Variants in ABLIM2 observed in about 807,000 individuals in gnomAD.
The protein encoded by ABLIM2 is actin-binding LIM protein 2.
A neutral mutation model predicts 97.7 loss-of-function variants in ABLIM2; 53 were observed. That is an observed-to-expected ratio of 0.54 (90% CI 0.44 to 0.68). The LOEUF (loss-of-function observed/expected upper bound fraction) is 0.68, where lower values mean the gene tolerates loss of function less well. Among genes scored for constraint, ABLIM2 ranks in the 30% least tolerant of loss-of-function variants. ABLIM2 has a pLI of 0.00. For missense variants in ABLIM2, 835 were observed against 867.2 expected (o/e 0.96, Z 0.47); for synonymous variants, 361 against 345.8 (o/e 1.04, Z -0.49).
rs1187251861 is a variant in ABLIM2, at chr4:8,003,961, C to A, written c.1618+4098G>T. Among the ~76,000 whole-genome samples, 1 of 152,132 alleles carries A rather than the reference C, an allele frequency of 6.6e-6. No homozygotes were observed. Among genetic ancestry groups the A allele is most frequent in the Non-Finnish European group, 1.5e-5 (1 of 68,038 alleles). On this transcript the variant is annotated intron_variant, in intron 16 of 20. Transcript: ENST00000447017. This position sits in a 1 kb window ranked among gnomAD's most constrained non-coding sequence, Gnocchi z 4.2. The stretch of plus-strand genomic sequence containing the variant: ...TGCCCTGCCCGTCCCACCAGATATC[C>A]TCACGAGATTGACAGTAGCACGTCA...
intron 11 of ABLIM2, among the ~76,000 whole-genome samples, chr4:8,028,310 T>C (rs1398165723): frequency 6.6e-6 from 1 of 152,234 alleles, no homozygotes; most frequent in African/African-American, 2.4e-5. Flanking sequence ...GCTATGGGGA[T>C]TGAGCCAGCA....
At chr4:8,031,759 C>G (rs1416112578) in intron 10 of ABLIM2, among the ~76,000 whole-genome samples, 3 of 148,222 alleles carry the variant, frequency 2.0e-5, no homozygotes, top group African/African-American at 5.0e-5. Flanking sequence ...GAGTCTCGCT[C>G]TGTCACCCAG....
chr4:8,142,204 G>C (rs1007793156), intron 1 of ABLIM2, among the ~76,000 whole-genome samples: 1 of 152,166 alleles, frequency 6.6e-6, no homozygotes, highest in Admixed American at 6.5e-5. Context: ...CTCCACATCG[G>C]CTCGAGCCCC....
rs1465368976 is a variant in ABLIM2, at chr4:8,132,070, G to A, written c.11-25433C>T. 3.3e-5 allele frequency among the ~76,000 whole-genome samples: 5 copies of A among 151,002 alleles called. No homozygotes were observed. The highest frequency in any genetic ancestry group is 9.9e-5 in the African/African-American group (4 of 40,432). On this transcript the variant is annotated intron_variant, in intron 1 of 20. Transcript: ENST00000447017. The surrounding 1 kb of genome is among the most constrained non-coding windows in gnomAD (Gnocchi z 8.0). The stretch of plus-strand genomic sequence containing the variant: ...GCTGTGCCGGCCGAGCTCAGGCCTC[G>A]GGGTGCCTGGACATCCCTCCGTGGG...
At chr4:8,007,578 A>G in intron 16 of ABLIM2, 1 of 987,586 alleles carries the variant, frequency 1.0e-6, no homozygotes, top group Non-Finnish European at 1.2e-6. Context: ...CCCTAGGGTC[A>G]GGCAGACACC....
At chr4:8,107,816 G>C (rs927694732) in intron 1 of ABLIM2, among the ~76,000 whole-genome samples, 3 of 152,190 alleles carry the variant, frequency 2.0e-5, no homozygotes, top group Non-Finnish European at 4.4e-5. Context: ...TGATCGTCTA[G>C]CTGAGCCCAA....
rs185822910 is a variant in ABLIM2 at position 8,126,538 on chromosome 4, A to C, written c.11-19901T>G. On this transcript the variant is annotated intron_variant, in intron 1 of 20. Coordinates refer to ENST00000447017, the MANE Select transcript of ABLIM2 (RefSeq NM_001130083.2). The stretch of plus-strand genomic sequence containing the variant: ...TCACCCCACAGGCCGCCTGGTCAAC[A>C]CGCAGGATTGGAGCTATTGGAATTG... 9.7e-4 allele frequency among the ~76,000 whole-genome samples: 146 copies of C among 150,654 alleles called. 1 individual carries two copies. Among genetic ancestry groups the C allele is most frequent in the Admixed American group, 3.5e-3 (53 of 15,032 alleles).
chr4:8,152,821 G>A (rs547744716), intron 1 of ABLIM2, among the ~76,000 whole-genome samples: 3 of 152,224 alleles, frequency 2.0e-5, no homozygotes, highest in Non-Finnish European at 2.9e-5. Context: ...CAGCTCATGA[G>A]ACCCTCAATC....
At chr4:8,066,297 CTA>C (rs1285573097) in intron 6 of ABLIM2, among the ~76,000 whole-genome samples, 1 of 128,004 alleles carries the variant, frequency 7.8e-6, no homozygotes, top group Non-Finnish European at 1.6e-5. Context: ...CAGAGAGAGA[CTA>C]TGTCTCAAAA....
At chr4:8,031,159 G>A (rs1780679975) in intron 10 of ABLIM2, among the ~76,000 whole-genome samples, 1 of 152,234 alleles carries the variant, frequency 6.6e-6, no homozygotes, top group South Asian at 2.1e-4. Context: ...GTCCCAGTAA[G>A]GTTGGCCGAG....
At chr4:8,126,163 G>A (rs1009449540) in intron 1 of ABLIM2, among the ~76,000 whole-genome samples, 4 of 152,154 alleles carry the variant, frequency 2.6e-5, no homozygotes, top group Admixed American at 1.3e-4. Context: ...AGGCGCTGAG[G>A]GGGGGCTATG....
In ABLIM2 at chr4:8,133,135, C is replaced by T. The variant is rs577086632; in HGVS notation, c.10+25545G>A. Among the ~76,000 whole-genome samples, 8 of 152,318 alleles carry T rather than the reference C, an allele frequency of 5.3e-5. No homozygotes were observed. In the East Asian group the frequency reaches 1.4e-3, roughly 26 times the overall value. ...GCAGCCGCGTCACTCCAATCTCTGC[C>T]TCCGATGTCACGTGGCCTCCTCCCT... On this transcript the variant is annotated intron_variant, in intron 1 of 20. Transcript: ENST00000447017.
chr4:8,047,086 C>G (rs1041878168), intron 8 of ABLIM2, among the ~76,000 whole-genome samples: 4 of 152,306 alleles, frequency 2.6e-5, no homozygotes, highest in Non-Finnish European at 4.4e-5. Flanking sequence ...ACACTCAGCG[C>G]ACACCAGCGA....
In ABLIM2 at chr4:8,020,323, G is replaced by A; in HGVS notation, c.1268-20C>T. On this transcript the variant is annotated intron_variant, in intron 12 of 20. Transcript: ENST00000447017. ...CACTGCCTCCAGACGGAAGGGCAAA[G>A]GCAGCAGATAGAAGGGGAAACGGGA... 1 of 1,601,980 alleles carries A rather than the reference G, an allele frequency of 6.2e-7. No individual in the cohort carries two copies. The highest frequency in any genetic ancestry group is 8.5e-7 in the Non-Finnish European group (1 of 1,169,644).
Position 8,130,950 on chromosome 4 carries a change from G to C in ABLIM2, c.11-24313C>G, listed in dbSNP as rs78822919. Among the ~76,000 whole-genome samples, 271 of 152,162 alleles carry C rather than the reference G, an allele frequency of 1.8e-3. 4 individuals are homozygous for C. Among genetic ancestry groups the C allele is most frequent in the East Asian group, 0.011 (59 of 5,166 alleles). ...CTGAGCTCCCCCAAAGGCTCTAGGG[G>C]AGGCTGCCGTTACCTCGCCCTGCTC... On this transcript the variant is annotated intron_variant, in intron 1 of 20. Transcript: ENST00000447017. The surrounding 1 kb of genome is among the most constrained non-coding windows in gnomAD (Gnocchi z 4.2).
intron 4 of ABLIM2, among the ~76,000 whole-genome samples, chr4:8,086,238 T>A (rs1232480971): frequency 6.6e-6 from 1 of 150,896 alleles, no homozygotes; most frequent in Non-Finnish European, 1.5e-5. Flanking sequence ...TAAATTTACA[T>A]TTGGAGAGGG....
chr4:8,064,700 G>A (rs1278222163), intron 6 of ABLIM2, among the ~76,000 whole-genome samples: 1 of 152,122 alleles, frequency 6.6e-6, no homozygotes, highest in Non-Finnish European at 1.5e-5. Flanking sequence ...AAGAGAACAG[G>A]CCCCAGGTTT....
At chr4:8,011,097 T>C (rs555811902) in intron 14 of ABLIM2, among the ~76,000 whole-genome samples, 85 of 152,346 alleles carry the variant, frequency 5.6e-4, no homozygotes, top group African/African-American at 1.9e-3. Context: ...TGAAGGGCCC[T>C]TGGGGACCTG....
intron 5 of ABLIM2, 104 bp downstream of exon 5, chr4:8,080,572 G>C: frequency 7.7e-7 from 1 of 1,293,394 alleles, no homozygotes; most frequent in Non-Finnish European, 1.0e-6. Context: ...AGGAATAGGA[G>C]AGACACAGAG....
Sources: gnomAD v4.1 joint callset for allele counts (sites outside exome capture counted in the v4.1 genomes callset) on GRCh38, gnomAD v4.1.1 for gene constraint, Gnocchi (gnomAD v3.1) non-coding constraint, MANE v1.5 for transcripts, NCBI Gene and HGNC (gene_info 2026-07-23, HGNC 2026-07-21) for gene names.